Variants in IQGAP2 observed in about 807,000 individuals in gnomAD.
IQGAP2 encodes the protein ras GTPase-activating-like protein IQGAP2.
In IQGAP2, 173 loss-of-function variants were observed where a neutral mutation model predicts 201.3. That is an observed-to-expected ratio of 0.86 (90% CI 0.76 to 0.98). The LOEUF is 0.98. IQGAP2 is among the 50% of genes least tolerant of loss of function. The pLI, the probability that IQGAP2 is intolerant of heterozygous loss-of-function variation, is 0.00. For synonymous variants in IQGAP2, 675 were observed against 673.9 expected (o/e 1.00, Z -0.03); for missense variants, 1,687 against 1,864.8 (o/e 0.90, Z 1.76).
chr5:76,500,925 C>T (rs1193483855), intron 2 of IQGAP2, among the ~76,000 whole-genome samples: 4 of 152,068 alleles, frequency 2.6e-5, no homozygotes, highest in African/African-American at 4.8e-5. Context: ...AGGTAAATTG[C>T]CTTGATGACA....
At chr5:76,441,457 GAGAAAAAGAACCAAA>G in intron 1 of IQGAP2, 1 of 982,366 alleles carries the variant, frequency 1.0e-6, no homozygotes, top group Non-Finnish European at 1.2e-6. Flanking sequence ...CACGGGATAT[GAGAAAAAGAACCAAA>G]AGAAAAAGAA....
chr5:76,504,115 G>A (rs557268579), intron 2 of IQGAP2, among the ~76,000 whole-genome samples: 60 of 152,300 alleles, frequency 3.9e-4, no homozygotes, highest in African/African-American at 1.3e-3. Flanking sequence ...AGAGCATAGC[G>A]TGCTAACAAA....
chr5:76,654,396 T>G, intron 19 of IQGAP2, 125 bp downstream of exon 19: 1 of 615,270 alleles, frequency 1.6e-6, no homozygotes, highest in Non-Finnish European at 2.8e-6. Context: ...ATAATGGATC[T>G]TAGAACTTCA....
intron 2 of IQGAP2, among the ~76,000 whole-genome samples, chr5:76,513,418 T>TA (rs1422666444): frequency 6.6e-6 from 1 of 152,222 alleles, no homozygotes; most frequent in African/African-American, 2.4e-5. Context: ...TGAACAGTGG[T>TA]AAAATCTGGC....
At chr5:76,661,852 A>T (rs1419556361) in intron 21 of IQGAP2, among the ~76,000 whole-genome samples, 1 of 152,136 alleles carries the variant, frequency 6.6e-6, no homozygotes, top group East Asian at 1.9e-4. Context: ...TTCTACAAAA[A>T]CGTTTATATC....
chr5:76,505,119 G>C (rs1482011906), intron 2 of IQGAP2, among the ~76,000 whole-genome samples: 4 of 152,190 alleles, frequency 2.6e-5, no homozygotes, highest in Non-Finnish European at 5.9e-5. Flanking sequence ...ACCCTCACTA[G>C]AGTCTTAAGT....
chr5:76,693,474 G>C lies in IQGAP2; in HGVS notation c.3993+32G>C. ...TGACTTTAAGTGTAAAATAATAATA[G>C]ACAGGTGTTGATTTTCTTCATAAAT... On this transcript the variant is annotated intron_variant, in intron 31 of 35. Coordinates refer to ENST00000274364, the MANE Select transcript of IQGAP2 (RefSeq NM_006633.5). 6.9e-6 allele frequency: 9 copies of C among 1,301,634 alleles called. No homozygotes were observed. In the Middle Eastern group the frequency reaches 1.5e-3, roughly 213 times the overall value. 80.6% of individuals were successfully genotyped at this position (1,301,634 alleles called of 1,614,324 possible).
chr5:76,496,932 C>T (rs1360199295), intron 2 of IQGAP2, among the ~76,000 whole-genome samples: 2 of 151,850 alleles, frequency 1.3e-5, no homozygotes, highest in Non-Finnish European at 2.9e-5. Context: ...TGTGTTCAAG[C>T]GATTCTCCTG....
chr5:76,626,261 TCTTC>T (rs755796119), intron 13 of IQGAP2, among the ~76,000 whole-genome samples: 1 of 51,184 alleles, frequency 2.0e-5, no homozygotes, highest in Non-Finnish European at 3.8e-5. Flanking sequence ...TTCTTTTTTT[TCTTC>T]TTTTCTTTTT....
chr5:76,681,384 A>G (rs1745278690), intron 28 of IQGAP2, among the ~76,000 whole-genome samples: 2 of 152,126 alleles, frequency 1.3e-5, no homozygotes, highest in Admixed American at 1.3e-4. Flanking sequence ...CAACAAAACA[A>G]CCCAATTATA....
chr5:76,669,148 T>C (rs777853386), intron 23 of IQGAP2, among the ~76,000 whole-genome samples: 2 of 152,242 alleles, frequency 1.3e-5, no homozygotes, highest in African/African-American at 2.4e-5. Context: ...TTCTGAGTAG[T>C]AAAGCCATTA....
chr5:76,553,692 G>C, intron 2 of IQGAP2, among the ~76,000 whole-genome samples: 1 of 152,052 alleles, frequency 6.6e-6, no homozygotes, highest in South Asian at 2.1e-4. Context: ...CTCCCCTTCT[G>C]CCACAAGTAG....
At chr5:76,499,090 A>G (rs1700883715) in intron 2 of IQGAP2, among the ~76,000 whole-genome samples, 1 of 152,238 alleles carries the variant, frequency 6.6e-6, no homozygotes, top group Non-Finnish European at 1.5e-5. Flanking sequence ...GACATCAAGG[A>G]TTTGAATTCT....
At chr5:76,670,351 A>G (rs1463644148) in intron 23 of IQGAP2, among the ~76,000 whole-genome samples, 3 of 152,136 alleles carry the variant, frequency 2.0e-5, no homozygotes. Context: ...TCTACTAAAA[A>G]TACAAAAACA....
intron 1 of IQGAP2, among the ~76,000 whole-genome samples, chr5:76,439,952 G>A (rs565212786): frequency 2.6e-5 from 4 of 152,124 alleles, no homozygotes; most frequent in Non-Finnish European, 5.9e-5. Flanking sequence ...GGCCATGTGA[G>A]TTTTATGCTT....
rs1417971425 is a variant in IQGAP2, at chr5:76,403,589, G to T, written c.44G>T (p.Gly15Val). 3 of 1,538,808 alleles carry T rather than the reference G, an allele frequency of 1.9e-6. No homozygotes were observed. Among genetic ancestry groups the T allele is most frequent in the Non-Finnish European group, 2.6e-6 (3 of 1,146,884 alleles). The change falls in exon 1 of 36, where the codon GGC becomes GTC. Residue 15 changes from glycine (G) to valine (V), a missense_variant and splice_region_variant. Gly to Val is a moderately radical substitution (Grantham distance 109, BLOSUM62 -3). Transcript: ENST00000274364. This position sits in a 1 kb window ranked among gnomAD's most constrained non-coding sequence, Gnocchi z 4.8. Reference sequence around the variant, plus strand: ...CCGTCGCTGCAGAGACCCCGCTATGGCTGTAAGTGCGCCGGGCGCGCGGGG... The same window carrying T: ...CCGTCGCTGCAGAGACCCCGCTATGTCTGTAAGTGCGCCGGGCGCGCGGGG... ...ELPSLQRPRY[G>V]SIVDDERLSA...
At chr5:76,682,502 C>T (rs1322461652) in intron 28 of IQGAP2, among the ~76,000 whole-genome samples, 7 of 151,940 alleles carry the variant, frequency 4.6e-5, no homozygotes, top group Admixed American at 4.6e-4. Flanking sequence ...TCATGGTTTC[C>T]CCCGAGTGCT....
intron 11 of IQGAP2, among the ~76,000 whole-genome samples, chr5:76,603,979 A>AT (rs907398225): frequency 1.3e-5 from 2 of 152,102 alleles, no homozygotes; most frequent in African/African-American, 2.4e-5. Context: ...TTTAAAAAAA[A>AT]TTTTTTTTTA....
At chr5:76,450,043 T>A (rs1753634844) in intron 1 of IQGAP2, among the ~76,000 whole-genome samples, 1 of 152,218 alleles carries the variant, frequency 6.6e-6, no homozygotes, top group Non-Finnish European at 1.5e-5. Flanking sequence ...TTTTCTAAAC[T>A]TGGGACCATT....
Sources: gnomAD v4.1 joint callset for allele counts (sites outside exome capture counted in the v4.1 genomes callset) on GRCh38, gnomAD v4.1.1 for gene constraint, Gnocchi (gnomAD v3.1) non-coding constraint, MANE v1.5 for transcripts, NCBI Gene and HGNC (gene_info 2026-07-23, HGNC 2026-07-21) for gene names.